WWOX: variants seen among roughly 807,000 people sequenced by gnomAD.
WWOX encodes WW domain-containing oxidoreductase.
Under a neutral mutation model 46.2 loss-of-function variants are expected in WWOX, and 69 were observed. The ratio of observed to expected loss-of-function variants is 1.49; its 90% CI spans 1.23 to 1.82. The LOEUF is 1.82. WWOX is among the 40% of genes most tolerant of loss of function. WWOX has a pLI of 0.00. For missense variants in WWOX, 919 were observed against 542.6 expected, an observed-to-expected ratio of 1.69 and a Z score of -6.89; for synonymous variants, 359 against 202.6, an observed-to-expected ratio of 1.77 and a Z score of -6.56.
At chr16:78,686,582 C>T (rs528227398) in intron 8 of WWOX, among the ~76,000 whole-genome samples, 1 of 151,928 alleles carries the variant, frequency 6.6e-6, no homozygotes, top group Non-Finnish European at 1.5e-5. Context: ...ATAAGAAACA[C>T]TAAAGGGGAG....
At chr16:78,634,679 C>G (rs534854867) in intron 8 of WWOX, among the ~76,000 whole-genome samples, 2 of 149,268 alleles carry the variant, frequency 1.3e-5, no homozygotes, top group African/African-American at 5.0e-5. Flanking sequence ...GCACTCCAGC[C>G]TGGGTGACAG....
chr16:78,416,502 T>C (rs2082800382), intron 6 of WWOX, among the ~76,000 whole-genome samples: 1 of 152,194 alleles, frequency 6.6e-6, no homozygotes, highest in African/African-American at 2.4e-5. Flanking sequence ...ATGAAGGGTA[T>C]TAAAATTTGG....
intron 5 of WWOX, among the ~76,000 whole-genome samples, chr16:78,279,876 C>G (rs997059453): frequency 7.9e-5 from 12 of 152,226 alleles, no homozygotes; most frequent in African/African-American, 2.4e-4. Context: ...ATTGGTCCTT[C>G]TGTCCTGGGA....
chr16:78,212,016 A>T (rs565295225), intron 5 of WWOX, among the ~76,000 whole-genome samples: 7 of 152,170 alleles, frequency 4.6e-5, no homozygotes, highest in African/African-American at 1.4e-4. Context: ...ATTTATTTGA[A>T]CATCTTCTTT....
At chr16:78,829,034 A>G (rs941999111) in intron 8 of WWOX, among the ~76,000 whole-genome samples, 8 of 152,194 alleles carry the variant, frequency 5.3e-5, no homozygotes, top group Non-Finnish European at 4.4e-5. Context: ...CCACCCCATC[A>G]TAAATTCTAA....
At chr16:78,810,073 G>C (rs958212120) in intron 8 of WWOX, among the ~76,000 whole-genome samples, 1 of 152,174 alleles carries the variant, frequency 6.6e-6, no homozygotes, top group South Asian at 2.1e-4. Flanking sequence ...TTCAGCCCTT[G>C]ATGGAAATTT....
chr16:79,209,009 G>GGTT, intron 8 of WWOX, among the ~76,000 whole-genome samples: 1 of 152,184 alleles, frequency 6.6e-6, no homozygotes, highest in East Asian at 1.9e-4. Context: ...GAGTAGAGAA[G>GGTT]GTCGTCTTTG....
intron 8 of WWOX, among the ~76,000 whole-genome samples, chr16:79,178,590 T>C (rs1436541847): frequency 6.6e-6 from 1 of 152,164 alleles, no homozygotes. Flanking sequence ...GTGCTAGAAT[T>C]ACAGTTGAGA....
chr16:78,939,212 A>G (rs1162167815), intron 8 of WWOX, among the ~76,000 whole-genome samples: 1 of 152,146 alleles, frequency 6.6e-6, no homozygotes, highest in Non-Finnish European at 1.5e-5. Context: ...TTCATGGAGC[A>G]TCTTCTGTCT....
At chr16:78,802,914 T>G (rs1311837143) in intron 8 of WWOX, among the ~76,000 whole-genome samples, 1 of 18,440 alleles carries the variant, frequency 5.4e-5, no homozygotes, top group Non-Finnish European at 1.2e-4. Context: ...AGACTTCATC[T>G]GAAAAAAAAA....
At chr16:78,998,159 G>A (rs1463059448) in intron 8 of WWOX, among the ~76,000 whole-genome samples, 2 of 152,194 alleles carry the variant, frequency 1.3e-5, no homozygotes, top group African/African-American at 4.8e-5. Context: ...TTACAGGCAT[G>A]AGCCATCGCG....
chr16:78,147,204 A>C (rs897096674), intron 4 of WWOX, among the ~76,000 whole-genome samples: 1 of 152,036 alleles, frequency 6.6e-6, no homozygotes, highest in Admixed American at 6.5e-5. Flanking sequence ...CAAGGTAAGG[A>C]TTATCCTTTA....
rs1455200498 is a variant in WWOX, at chr16:78,871,735, G to T, written c.1057-339873G>T. Among the ~76,000 whole-genome samples, 11 of 152,276 alleles carry T rather than the reference G, an allele frequency of 7.2e-5. No homozygotes were observed. The South Asian group carries it at 2.1e-3, about 29-fold the overall frequency. The stretch of plus-strand genomic sequence containing the variant: ...CTGCCTCAGCCTTCCAAGCAGCTGG[G>T]ACTACAGGCAGGCACCACCATACCC... On this transcript the variant is annotated intron_variant, in intron 8 of 8. Transcript: ENST00000566780.
chr16:78,716,009 C>G (rs1031518698), intron 8 of WWOX, among the ~76,000 whole-genome samples: 6 of 151,644 alleles, frequency 4.0e-5, no homozygotes, highest in Non-Finnish European at 5.9e-5. Context: ...TTATGGTGGT[C>G]CCAGGGATGA....
intron 8 of WWOX, among the ~76,000 whole-genome samples, chr16:78,545,607 G>T (rs1036178386): frequency 6.6e-6 from 1 of 152,186 alleles, no homozygotes; most frequent in Admixed American, 6.5e-5. Flanking sequence ...AATAGTCATG[G>T]TTGGCGATTA....
chr16:78,908,912 C>T (rs1362818838), intron 8 of WWOX, among the ~76,000 whole-genome samples: 2 of 152,192 alleles, frequency 1.3e-5, no homozygotes, highest in African/African-American at 2.4e-5. Flanking sequence ...CAGAATCTTG[C>T]AGCCTCCGGC....
At chr16:78,878,787 C>G (rs567071862) in intron 8 of WWOX, among the ~76,000 whole-genome samples, 1 of 151,424 alleles carries the variant, frequency 6.6e-6, no homozygotes, top group African/African-American at 2.4e-5. Context: ...AGGCTTATGG[C>G]TGTAATCCCA....
chr16:78,421,944 G>C (rs979249138), intron 6 of WWOX, among the ~76,000 whole-genome samples: 5 of 152,016 alleles, frequency 3.3e-5, no homozygotes, highest in South Asian at 4.1e-4. Flanking sequence ...TTAATATCCA[G>C]GGTGCAGGAA....
At position 79,096,131 on chromosome 16, in the gene WWOX, G is replaced by A. The variant is rs539011552; in HGVS notation, c.1057-115477G>A. ...GATCCGCCTGCCTCGGTCTCCCAAA[G>A]TGCTGGGATTACAGGCATGAGCCAC... On this transcript the variant is annotated intron_variant, in intron 8 of 8. Transcript: ENST00000566780. Among the ~76,000 whole-genome samples, 3 of 147,938 alleles carry A rather than the reference G, an allele frequency of 2.0e-5. No individual in the cohort carries two copies. The East Asian group carries it at 6.1e-4, about 30-fold the overall frequency.
Sources: allele counts gnomAD v4.1 joint callset (sites outside exome capture counted in the v4.1 genomes callset), GRCh38; gene constraint gnomAD v4.1.1; transcripts MANE v1.5; gene names NCBI Gene and HGNC (gene_info 2026-07-23, HGNC 2026-07-21).